The following GPD1L variants were observed in gnomAD, a reference collection of about 807,000 sequenced individuals.
The protein encoded by GPD1L is glycerol-3-phosphate dehydrogenase 1-like protein.
In GPD1L, 17 loss-of-function variants were observed where a neutral mutation model predicts 32.9. The ratio of observed to expected loss-of-function variants is 0.52; its 90% CI spans 0.35 to 0.78. The LOEUF (loss-of-function observed/expected upper bound fraction) is 0.78, where lower values mean the gene tolerates loss of function less well. Ranked by LOEUF, GPD1L falls within the 30% of genes least tolerant of loss-of-function variation. GPD1L has a pLI of 0.01. For missense variants in GPD1L, 361 were observed against 447.8 expected (o/e 0.81, Z 1.75); for synonymous variants, 187 against 165.9 (o/e 1.13, Z -0.98).
At chr3:32,132,267 AT>A (rs1457099400) in intron 2 of GPD1L, among the ~76,000 whole-genome samples, 1 of 152,126 alleles carries the variant, frequency 6.6e-6, no homozygotes, top group African/African-American at 2.4e-5. Context: ...ATAGGTCTTT[AT>A]TCACTAATGT....
At chr3:32,121,920 G>T (rs1029303436) in intron 1 of GPD1L, among the ~76,000 whole-genome samples, 1 of 151,486 alleles carries the variant, frequency 6.6e-6, no homozygotes, top group African/African-American at 2.4e-5. Flanking sequence ...ACAGGCACGC[G>T]CCACCACGCC....
chr3:32,149,326 G>T (rs191480772), intron 5 of GPD1L, among the ~76,000 whole-genome samples: 16 of 152,298 alleles, frequency 1.1e-4, no homozygotes, highest in African/African-American at 3.4e-4. Flanking sequence ...CTCCCAAAGT[G>T]CTGGGATTAC....
intron 1 of GPD1L, among the ~76,000 whole-genome samples, chr3:32,122,205 A>G (rs1392377430): frequency 1.4e-5 from 2 of 142,464 alleles, no homozygotes; most frequent in African/African-American, 2.8e-5. Context: ...TCTGAAATTA[A>G]TGGGTGCTCA....
chr3:32,153,570 T>C (rs926281811), intron 5 of GPD1L, among the ~76,000 whole-genome samples: 2 of 152,214 alleles, frequency 1.3e-5, no homozygotes, highest in African/African-American at 4.8e-5. Context: ...CAGGCTGCCT[T>C]AGACAGGGGC....
chr3:32,142,935 C>T (rs1307833179), intron 4 of GPD1L, among the ~76,000 whole-genome samples: 1 of 152,024 alleles, frequency 6.6e-6, no homozygotes, highest in Non-Finnish European at 1.5e-5. Flanking sequence ...GAGTAGCTCT[C>T]GTGAGGCTAA....
At chr3:32,118,872 T>A (rs1700368303) in intron 1 of GPD1L, among the ~76,000 whole-genome samples, 1 of 152,208 alleles carries the variant, frequency 6.6e-6, no homozygotes, top group African/African-American at 2.4e-5. Flanking sequence ...TATACATTAT[T>A]TATCCTTCTG....
intron 1 of GPD1L, among the ~76,000 whole-genome samples, chr3:32,118,821 CTA>C (rs1700367855): frequency 6.6e-6 from 1 of 152,188 alleles, no homozygotes; most frequent in African/African-American, 2.4e-5. Flanking sequence ...CTTTCTGTCT[CTA>C]TGAATTTGAC....
chr3:32,143,374 A>G (rs28709476), intron 4 of GPD1L, among the ~76,000 whole-genome samples: 36,280 of 152,072 alleles, frequency 0.24, 5,905 homozygotes, highest in African/African-American at 0.47. Context: ...TACAGGTGCG[A>G]GCCACTGTGC....
rs1430179654 is a variant in GPD1L at position 32,121,493 on chromosome 3, ATATATTTCTCTCTATATATATTTCTCTC to A, written c.48-6577_48-6550del. Among the ~76,000 whole-genome samples, 8 of 134,644 alleles carry A rather than the reference ATATATTTCTCTCTATATATATTTCTCTC, an allele frequency of 5.9e-5. 2 individuals are homozygous for A. The highest frequency in any genetic ancestry group is 4.4e-4 in the South Asian group (2 of 4,540). The allele number at this position is 134,644 out of a possible 152,430, so 88.3% of individuals were successfully genotyped here. A position where few individuals can be genotyped will look rare whatever the true frequency, so the allele number is the denominator to read the frequency against. ...TCTCTCTATATATATTTCTCTCTATATATATTTCTCTCTATATATATTTCTCTCTATATATATTTCTATGTATATATTT... is the reference window on the plus strand; with the variant it reads ...TCTCTCTATATATATTTCTCTCTATATATATATATTTCTATGTATATATTT... On this transcript the variant is annotated intron_variant, in intron 1 of 7. Coordinates refer to ENST00000282541, the MANE Select transcript of GPD1L (RefSeq NM_015141.4).
At chr3:32,119,299 A>G (rs1485567146) in intron 1 of GPD1L, among the ~76,000 whole-genome samples, 1 of 152,236 alleles carries the variant, frequency 6.6e-6, no homozygotes, top group African/African-American at 2.4e-5. Context: ...TGTTTTTGAT[A>G]GTAGCCATCT....
chr3:32,150,966 G>T lies in GPD1L; in HGVS notation c.618+4232G>T, dbSNP rs375289973. On this transcript the variant is annotated intron_variant, in intron 5 of 7. Coordinates refer to ENST00000282541, the MANE Select transcript of GPD1L (RefSeq NM_015141.4). ...CAAAATTAGTCAGACGTGGTGGCTTGTGCCTGTAGTCCCAGCTACTCGAAC... is the reference window on the plus strand; with the variant it reads ...CAAAATTAGTCAGACGTGGTGGCTTTTGCCTGTAGTCCCAGCTACTCGAAC... 1.3e-4 allele frequency: 28 copies of T among 219,730 alleles called. 1 individual carries two copies. The East Asian group carries it at 2.0e-3, about 16-fold the overall frequency. 13.6% of individuals were successfully genotyped at this position (219,730 alleles called of 1,614,324 possible).
chr3:32,110,007 T>G (rs1447117155), intron 1 of GPD1L, among the ~76,000 whole-genome samples: 1 of 152,268 alleles, frequency 6.6e-6, no homozygotes, highest in African/African-American at 2.4e-5. Context: ...AAGCTTCGCC[T>G]CGCGGGTTCA....
At chr3:32,152,995 G>A (rs766546822) in intron 5 of GPD1L, among the ~76,000 whole-genome samples, 1 of 152,154 alleles carries the variant, frequency 6.6e-6, no homozygotes, top group Admixed American at 6.5e-5. Context: ...TCATTTTGGG[G>A]ATCTTTTTTC....
chr3:32,110,457 G>C (rs1341530744), intron 1 of GPD1L, among the ~76,000 whole-genome samples: 1 of 152,242 alleles, frequency 6.6e-6, no homozygotes, highest in African/African-American at 2.4e-5. Context: ...GGGCAGCTTA[G>C]CCTGTTTGTG....
Position 32,115,758 on chromosome 3 carries a change from C to CTTTTTTTTTTTTTTTTTTT in GPD1L, c.47+9030_47+9048dup, listed in dbSNP as rs539068850. On this transcript the variant is annotated intron_variant, in intron 1 of 7. Transcript: ENST00000282541. ...CTAAACCCTTTTCGTGTACGTTGAA[C>CTTTTTTTTTTTTTTTTTTT]TTTTTTTTTTTTTTTTTTTTTTTTT... Among the ~76,000 whole-genome samples the CTTTTTTTTTTTTTTTTTTT allele has an allele frequency of 4.4e-4, 20 of 45,086 alleles. 9 individuals carry two copies. Among genetic ancestry groups the CTTTTTTTTTTTTTTTTTTT allele is most frequent in the Non-Finnish European group, 8.3e-4 (17 of 20,538 alleles). The allele number at this position is 45,086 out of a possible 152,430, so 29.6% of individuals were successfully genotyped here. A position where few individuals can be genotyped will look rare whatever the true frequency, so the allele number is the denominator to read the frequency against.
At chr3:32,127,086 T>C (rs1302083908) in intron 1 of GPD1L, among the ~76,000 whole-genome samples, 2 of 152,242 alleles carry the variant, frequency 1.3e-5, no homozygotes, top group East Asian at 3.8e-4. Context: ...TGAAAATAAA[T>C]GTCTCCAACA....
At chr3:32,116,139 A>G (rs1445800637) in intron 1 of GPD1L, among the ~76,000 whole-genome samples, 18 of 152,054 alleles carry the variant, frequency 1.2e-4, no homozygotes, top group Admixed American at 1.2e-3. Flanking sequence ...CAGTGAGAGG[A>G]AGTGCCTTTT....
intron 5 of GPD1L, among the ~76,000 whole-genome samples, chr3:32,157,000 T>A (rs563819688): frequency 6.6e-6 from 1 of 152,090 alleles, no homozygotes; most frequent in Non-Finnish European, 1.5e-5. Context: ...ATTTGCTTTT[T>A]GGGGGGCATT....
Position 32,121,483 on chromosome 3 carries a change from TTCTC to T in GPD1L, c.48-6589_48-6586del, listed in dbSNP as rs1559570418. ...TATATATATTTCTCTCTATATATAT[TTCTC>T]TCTATATATATTTCTCTCTATATAT... On this transcript the variant is annotated intron_variant, in intron 1 of 7. Coordinates refer to ENST00000282541, the MANE Select transcript of GPD1L (RefSeq NM_015141.4). 8.6e-5 allele frequency among the ~76,000 whole-genome samples: 12 copies of T among 139,880 alleles called. 3 individuals carry two copies. The highest frequency in any genetic ancestry group is 6.5e-4 in the South Asian group (3 of 4,630). The allele number at this position is 139,880 out of a possible 152,430, so 91.8% of individuals were successfully genotyped here.
Sources: gnomAD v4.1 joint callset for allele counts (sites outside exome capture counted in the v4.1 genomes callset) on GRCh38, gnomAD v4.1.1 for gene constraint, MANE v1.5 for transcripts, NCBI Gene and HGNC (gene_info 2026-07-23, HGNC 2026-07-21) for gene names.